ABL1: variants seen among roughly 807,000 people sequenced by gnomAD.
ABL1 encodes tyrosine-protein kinase ABL1.
In ABL1, 11 loss-of-function variants were observed where a neutral mutation model predicts 94.7. That is an observed-to-expected ratio of 0.12 (90% CI 0.07 to 0.19). The LOEUF (loss-of-function observed/expected upper bound fraction) is 0.19. Ranked by LOEUF, ABL1 falls within the 10% of genes least tolerant of loss-of-function variation. The pLI is 1.00. For synonymous variants in ABL1, 656 were observed against 622.4 expected (o/e 1.05, Z -0.80); for missense variants, 1,082 against 1,489.4 (o/e 0.73, Z 4.50).
At chr9:130,713,118 G>C (rs986671774) in exon 1 of ABL1, among the ~76,000 whole-genome samples, 117 of 152,340 alleles carry the variant, frequency 7.7e-4, no homozygotes, top group African/African-American at 2.8e-3. Context: ...CCCGGGTCCT[G>C]CGGCTGAGGA....
In ABL1 at chr9:130,878,871, G is replaced by A. The variant is rs571281725; in HGVS notation, c.1423+304G>A. The stretch of plus-strand genomic sequence containing the variant: ...CTGCTATAGTAGCTAAGCTCATGAG[G>A]TGATTTTTTTTTTTTTTTTTTTTGA... On this transcript the variant is annotated intron_variant, in intron 8 of 10. Coordinates refer to ENST00000318560, the MANE Select transcript of ABL1 (RefSeq NM_005157.6). Among the ~76,000 whole-genome samples, 119 of 148,990 alleles carry A rather than the reference G, an allele frequency of 8.0e-4. 1 individual carries two copies. The highest frequency in any genetic ancestry group is 2.9e-3 in the African/African-American group (117 of 39,846).
intron 1 of ABL1, among the ~76,000 whole-genome samples, chr9:130,728,974 A>G (rs927352969): frequency 6.6e-6 from 1 of 152,140 alleles, no homozygotes; most frequent in Non-Finnish European, 1.5e-5. Context: ...TCTTTAAAGA[A>G]GTTTTCATTT....
Position 130,880,005 on chromosome 9 carries a change from CTGCTAGCCCCGTAT to C in ABL1, c.1424-54_1424-41del. 18 of 1,464,294 alleles carry C rather than the reference CTGCTAGCCCCGTAT, an allele frequency of 1.2e-5. No individual in the cohort carries two copies. The highest frequency in any genetic ancestry group is 2.3e-5 in the South Asian group (2 of 88,154). 90.7% of individuals were successfully genotyped at this position (1,464,294 alleles called of 1,614,324 possible). A position where few individuals can be genotyped will look rare whatever the true frequency, so the allele number is the denominator to read the frequency against. ...TTCATTCTAGACTTTTCCTTGAGAA[CTGCTAGCCCCGTAT>C]TGCTAGCCAGATCTCATGGATGATC... On this transcript the variant is annotated intron_variant, in intron 8 of 10. Coordinates refer to ENST00000318560, the MANE Select transcript of ABL1 (RefSeq NM_005157.6). This position sits in a 1 kb window ranked among gnomAD's most constrained non-coding sequence, Gnocchi z 4.4.
chr9:130,788,609 T>C (rs1002431431), intron 1 of ABL1, among the ~76,000 whole-genome samples: 1 of 152,224 alleles, frequency 6.6e-6, no homozygotes, highest in Non-Finnish European at 1.5e-5. Flanking sequence ...TCCTGGATCA[T>C]GGATTGCATT....
chr9:130,831,939 A>G (rs1317739121), upstream of ABL1, among the ~76,000 whole-genome samples: 1 of 152,092 alleles, frequency 6.6e-6, no homozygotes, highest in African/African-American at 2.4e-5. Context: ...TTACATATGC[A>G]TACAGATCAT....
intron 1 of ABL1, among the ~76,000 whole-genome samples, chr9:130,750,025 A>T (rs867544577): frequency 5.3e-5 from 8 of 151,416 alleles, no homozygotes; most frequent in Non-Finnish European, 1.5e-5. Context: ...ATTGAAAAAA[A>T]AATAAATTAT....
intron 1 of ABL1, among the ~76,000 whole-genome samples, chr9:130,850,782 C>T (rs1341158144): frequency 6.6e-6 from 1 of 152,188 alleles, no homozygotes; most frequent in African/African-American, 2.4e-5. Context: ...GCTGGGATAA[C>T]AGGCATGAGC....
chr9:130,740,245 G>T (rs1831799538), intron 1 of ABL1, among the ~76,000 whole-genome samples: 1 of 152,144 alleles, frequency 6.6e-6, no homozygotes, highest in African/African-American at 2.4e-5. Context: ...GTAATTAGGG[G>T]GACAATGAAC....
intron 1 of ABL1, among the ~76,000 whole-genome samples, chr9:130,803,720 A>G (rs73555885): frequency 5.9e-5 from 9 of 152,344 alleles, no homozygotes; most frequent in African/African-American, 1.9e-4. Flanking sequence ...ACAATTTTCA[A>G]TAAAAGGTTT....
chr9:130,875,847 G>A (rs1831331943), intron 7 of ABL1, among the ~76,000 whole-genome samples: 2 of 151,034 alleles, frequency 1.3e-5, no homozygotes, highest in African/African-American at 4.9e-5. Flanking sequence ...TTCTCCTTCC[G>A]ACGGAGTTTC....
chr9:130,765,484 G>A (rs954193841), intron 1 of ABL1, among the ~76,000 whole-genome samples: 1 of 152,092 alleles, frequency 6.6e-6, no homozygotes, highest in African/African-American at 2.4e-5. Flanking sequence ...ATCCATTTTT[G>A]TACATTCTTA....
intron 7 of ABL1, among the ~76,000 whole-genome samples, chr9:130,875,648 T>A (rs570468197): frequency 1.3e-5 from 2 of 152,326 alleles, no homozygotes; most frequent in African/African-American, 4.8e-5. Flanking sequence ...AATATGTTCC[T>A]CTGACTTCAG....
chr9:130,790,936 G>A (rs1042059581), intron 1 of ABL1, among the ~76,000 whole-genome samples: 1 of 152,240 alleles, frequency 6.6e-6, no homozygotes, highest in Non-Finnish European at 1.5e-5. Context: ...CCCTTGCCCT[G>A]TGGGGAGAGG....
At chr9:130,724,931 G>A (rs190471996) in intron 1 of ABL1, 67 of 354,570 alleles carry the variant, frequency 1.9e-4, no homozygotes, top group Non-Finnish European at 3.2e-4. Flanking sequence ...TGCGCTTGGC[G>A]GGGTAGCCAC....
At position 130,880,174 on chromosome 9, in the gene ABL1, G is replaced by A. The variant is rs367949374; in HGVS notation, c.1513+17G>A. The A allele has an allele frequency of 2.7e-5, 43 of 1,609,756 alleles. No homozygotes were observed. Among genetic ancestry groups the A allele is most frequent in the African/African-American group, 1.5e-4 (11 of 74,588 alleles). ...TCTCAGACGGTAAAGTACCCATCCC[G>A]GGGTACCTGCAGTGGGGTGAAAGGG... On this transcript the variant is annotated intron_variant, in intron 9 of 10. Transcript: ENST00000318560. This position sits in a 1 kb window ranked among gnomAD's most constrained non-coding sequence, Gnocchi z 4.4.
intron 1 of ABL1, among the ~76,000 whole-genome samples, chr9:130,827,838 G>A (rs1016593249): frequency 6.6e-6 from 1 of 151,604 alleles, no homozygotes; most frequent in African/African-American, 2.4e-5. Flanking sequence ...AGCTTGCAGT[G>A]AGCCAAGATT....
Position 130,714,357 on chromosome 9 carries a change from G to GA in ABL1, c.40dup (p.Arg14LysfsTer33). The GA allele has an allele frequency of 6.2e-7, 1 of 1,613,272 alleles. No individual in the cohort carries two copies. The highest frequency in any genetic ancestry group is 8.5e-7 in the Non-Finnish European group (1 of 1,179,472). On this transcript the variant is annotated frameshift_variant, in exon 1 of 11. Transcript: ENST00000372348. LOFTEE classifies it high-confidence loss of function. ...CCTGGAAAAGTACTTGGGGACCAAA[G>GA]AAGGCCAAGCTTGCCTGCCCTGCAT...
chr9:130,854,684 A>C, intron 2 of ABL1, 117 bp from the exon 3 acceptor site: 1 of 1,087,274 alleles, frequency 9.2e-7, no homozygotes, highest in East Asian at 2.5e-5. Context: ...TGGACTTGTT[A>C]AAATGAAATT....
chr9:130,767,564 C>A (rs554618125), intron 1 of ABL1, among the ~76,000 whole-genome samples: 82 of 152,290 alleles, frequency 5.4e-4, no homozygotes, highest in African/African-American at 1.9e-3. Context: ...AACTCCTGAC[C>A]TCAGGTGATC....
Sources: allele counts gnomAD v4.1 joint callset (sites outside exome capture counted in the v4.1 genomes callset), GRCh38; gene constraint gnomAD v4.1.1; non-coding constraint Gnocchi (gnomAD v3.1); transcripts MANE v1.5; gene names NCBI Gene and HGNC (gene_info 2026-07-23, HGNC 2026-07-21).